PLA2G12B: variants seen among roughly 807,000 people sequenced by gnomAD.
The protein encoded by PLA2G12B is group XIIB secretory phospholipase A2-like protein.
In PLA2G12B, 19 loss-of-function variants were observed where a neutral mutation model predicts 22.3. The observed-to-expected ratio is 0.85, with a 90% CI of 0.60 to 1.25. The LOEUF (loss-of-function observed/expected upper bound fraction) is 1.25, where lower values mean the gene tolerates loss of function less well. Among genes scored for constraint, PLA2G12B ranks in the 50% most tolerant of loss-of-function variants. The probability of loss-of-function intolerance (pLI) is 0.00; values close to 1 mark genes in which losing one functional copy is unlikely to be tolerated. For synonymous variants in PLA2G12B, 81 were observed against 94.9 expected, an observed-to-expected ratio of 0.85 and a Z score of 0.85; for missense variants, 191 against 246.6, an observed-to-expected ratio of 0.77 and a Z score of 1.51.
rs1846261011 is a variant in PLA2G12B at position 72,935,153 on chromosome 10, A to T, written c.*464T>A. The T allele has an allele frequency of 6.5e-6, 1 of 154,728 alleles. No homozygotes were observed. Among genetic ancestry groups the T allele is most frequent in the South Asian group, 2.0e-4 (1 of 5,020 alleles). 9.6% of individuals were successfully genotyped at this position (154,728 alleles called of 1,614,324 possible). A position where few individuals can be genotyped will look rare whatever the true frequency, so the allele number is the denominator to read the frequency against. On this transcript the variant is annotated 3_prime_UTR_variant, in exon 4 of 4. Transcript: ENST00000373032. ...TAAGTGAAATGGAAGCACATTGGTG[A>T]TAATGGAATTCATTCATCTCTTTCC...
intron 3 of PLA2G12B, among the ~76,000 whole-genome samples, chr10:72,940,486 A>AGATCGCTTGAGTTCAGGAGTTCG (rs1554833513): frequency 4.6e-5 from 6 of 130,308 alleles, no homozygotes; most frequent in South Asian, 2.2e-4. Flanking sequence ...TGAGGCGGGC[A>AGATCGCTTGAGTTCAGGAGTTCG]ACATGGGCAA....
At chr10:72,946,953 C>T (rs991180890) in intron 1 of PLA2G12B, among the ~76,000 whole-genome samples, 2 of 151,492 alleles carry the variant, frequency 1.3e-5, no homozygotes, top group African/African-American at 4.9e-5. Flanking sequence ...GGGTCTCACT[C>T]TGTCACCCAG....
chr10:72,949,802 C>G (rs1174820810), intron 1 of PLA2G12B, among the ~76,000 whole-genome samples: 1 of 151,996 alleles, frequency 6.6e-6, no homozygotes, highest in Non-Finnish European at 1.5e-5. Flanking sequence ...CATGGTGAAA[C>G]CCCCGTCTCT....
At chr10:72,950,758 TAGAC>T (rs1846517736) in intron 1 of PLA2G12B, among the ~76,000 whole-genome samples, 1 of 152,166 alleles carries the variant, frequency 6.6e-6, no homozygotes, top group African/African-American at 2.4e-5. Flanking sequence ...GGGATTACAA[TAGAC>T]AGATATTTAA....
At chr10:72,943,506 A>G (rs541314912) in intron 1 of PLA2G12B, among the ~76,000 whole-genome samples, 1 of 152,332 alleles carries the variant, frequency 6.6e-6, no homozygotes, top group South Asian at 2.1e-4. Flanking sequence ...TAGACAGAGT[A>G]TTATTGAGTA....
At chr10:72,940,425 T>C (rs986415838) in intron 3 of PLA2G12B, among the ~76,000 whole-genome samples, 1 of 149,572 alleles carries the variant, frequency 6.7e-6, no homozygotes, top group African/African-American at 2.5e-5. Context: ...AAAATAACTA[T>C]CCTTGCTGGG....
intron 1 of PLA2G12B, among the ~76,000 whole-genome samples, chr10:72,953,206 A>T (rs989070635): frequency 2.6e-5 from 4 of 152,080 alleles, no homozygotes; most frequent in African/African-American, 9.7e-5. Context: ...TGCAGCATAG[A>T]TGGTTAAAAC....
intron 1 of PLA2G12B, among the ~76,000 whole-genome samples, chr10:72,943,846 G>A (rs951878069): frequency 6.6e-6 from 1 of 152,194 alleles, no homozygotes; most frequent in Non-Finnish European, 1.5e-5. Context: ...CAAAGCCTAT[G>A]CTCCTTCACC....
In PLA2G12B at chr10:72,954,608, G is replaced by T. The variant is rs777387303; in HGVS notation, c.78C>A (p.Asp26Glu). The T allele has an allele frequency of 2.5e-6, 4 of 1,614,140 alleles. No individual in the cohort carries two copies. The highest frequency in any genetic ancestry group is 1.7e-6 in the Non-Finnish European group (2 of 1,180,038). Reference sequence around the variant, plus strand: ...CCCAGTCTGAATAGGACTCCTCCGTGTCAGGGCTCGTGTCGCTCTGAGCCA... The same window carrying T: ...CCCAGTCTGAATAGGACTCCTCCGTTTCAGGGCTCGTGTCGCTCTGAGCCA... The part of the protein sequence containing the change: ...GGLAQSDTSP[D>E]TEESYSDWGL... Residue 26 changes from aspartate (D) to glutamate (E), a missense_variant, in exon 1 of 4, where the codon GAC becomes GAA. Physicochemically the swap from Asp to Glu is conservative, Grantham distance 45. Coordinates refer to ENST00000373032, the MANE Select transcript of PLA2G12B (RefSeq NM_032562.5).
chr10:72,951,758 T>C (rs1329224066), intron 1 of PLA2G12B, among the ~76,000 whole-genome samples: 1 of 152,156 alleles, frequency 6.6e-6, no homozygotes, highest in Non-Finnish European at 1.5e-5. Context: ...CGCACCCAGC[T>C]GGTAGAGACT....
chr10:72,944,103 C>T (rs1846404647), intron 1 of PLA2G12B, among the ~76,000 whole-genome samples: 1 of 151,220 alleles, frequency 6.6e-6, no homozygotes, highest in African/African-American at 2.4e-5. Context: ...CTTTCTTTCT[C>T]CTTCCTTCCT....
At chr10:72,952,548 ATG>A (rs1846549042) in intron 1 of PLA2G12B, among the ~76,000 whole-genome samples, 1 of 152,188 alleles carries the variant, frequency 6.6e-6, no homozygotes, top group Admixed American at 6.5e-5. Context: ...TGCATGAGAG[ATG>A]TGTCACAAAG....
At chr10:72,950,595 C>T (rs1023795735) in intron 1 of PLA2G12B, among the ~76,000 whole-genome samples, 2 of 152,208 alleles carry the variant, frequency 1.3e-5, no homozygotes, top group Non-Finnish European at 2.9e-5. Flanking sequence ...ATTCTCCTGC[C>T]TCAGCCTCCC....
chr10:72,938,205 A>G (rs1846308069), intron 3 of PLA2G12B, among the ~76,000 whole-genome samples: 1 of 152,176 alleles, frequency 6.6e-6, no homozygotes, highest in South Asian at 2.1e-4. Context: ...CCACAACCTA[A>G]TAAAGGTCGT....
intron 2 of PLA2G12B, 52 bp from the exon 3 acceptor site, chr10:72,941,386 A>G: frequency 1.3e-6 from 2 of 1,559,986 alleles, no homozygotes; most frequent in East Asian, 2.3e-5. Context: ...CCACGTTTAG[A>G]CTAAGGACCT....
At chr10:72,937,193 G>A (rs1379579376) in intron 3 of PLA2G12B, among the ~76,000 whole-genome samples, 1 of 152,174 alleles carries the variant, frequency 6.6e-6, no homozygotes, top group Non-Finnish European at 1.5e-5. Context: ...CTGGGCGACA[G>A]AGCGAGACTC....
At chr10:72,954,135 T>A (rs1182227300) in intron 1 of PLA2G12B, among the ~76,000 whole-genome samples, 1 of 152,158 alleles carries the variant, frequency 6.6e-6, no homozygotes, top group African/African-American at 2.4e-5. Flanking sequence ...GTACCCTTTT[T>A]TCCTAAGAAC....
chr10:72,947,311 G>C (rs906865194), intron 1 of PLA2G12B, among the ~76,000 whole-genome samples: 1 of 152,008 alleles, frequency 6.6e-6, no homozygotes, highest in Admixed American at 6.6e-5. Context: ...TGTGATCTTG[G>C]CACACTGTAG....
chr10:72,942,671 C>T lies in PLA2G12B; in HGVS notation c.281G>A (p.Gly94Asp). 3 of 1,606,490 alleles carry T rather than the reference C, an allele frequency of 1.9e-6. No homozygotes were observed. The South Asian group carries it at 3.4e-5, about 18-fold the overall frequency. The stretch of plus-strand genomic sequence containing the variant: ...ACATACACTTTCTGGTACCTTGAGA[C>T]CCAGGAAATAGGAGCCGCAGCCATT... ...EPNGCGSYFLGLKVPESMDLG... is the reference protein window; with the variant it reads ...EPNGCGSYFLDLKVPESMDLG... The change falls in exon 2 of 4, where the codon GGT (glycine) becomes GAT (aspartate). Residue 94 changes from glycine to aspartate, a missense_variant. Gly to Asp is a moderately conservative substitution (Grantham distance 94, BLOSUM62 -1). Transcript: ENST00000373032.
Sources: allele counts gnomAD v4.1 joint callset (sites outside exome capture counted in the v4.1 genomes callset), GRCh38; gene constraint gnomAD v4.1.1; transcripts MANE v1.5; gene names NCBI Gene and HGNC (gene_info 2026-07-23, HGNC 2026-07-21).